CEP85L: variants seen among roughly 807,000 people sequenced by gnomAD.
The protein encoded by CEP85L is centrosomal protein 85L, also known as centrosomal protein of 85 kDa-like.
A neutral mutation model predicts 100.3 loss-of-function variants in CEP85L; 60 were observed. The ratio of observed to expected loss-of-function variants is 0.60; its 90% CI spans 0.49 to 0.74. CEP85L has a LOEUF of 0.74. Among genes scored for constraint, CEP85L ranks in the 30% least tolerant of loss-of-function variants. The pLI, the probability that CEP85L is intolerant of heterozygous loss-of-function variation, is 0.00. For missense variants in CEP85L, 973 were observed against 936.2 expected, an observed-to-expected ratio of 1.04 and a Z score of -0.51; for synonymous variants, 319 against 322.7, an observed-to-expected ratio of 0.99 and a Z score of 0.12.
At chr6:118,585,370 T>C (rs1324734557) in intron 2 of CEP85L, among the ~76,000 whole-genome samples, 2 of 152,138 alleles carry the variant, frequency 1.3e-5, no homozygotes, top group African/African-American at 2.4e-5. Flanking sequence ...CCATGAGAAA[T>C]AGCAGTGATG....
intron 10 of CEP85L, among the ~76,000 whole-genome samples, chr6:118,474,279 C>G (rs1162822015): frequency 6.6e-6 from 1 of 152,114 alleles, no homozygotes; most frequent in African/African-American, 2.4e-5. Context: ...AAAAATGAAA[C>G]AAAACTCAAC....
In CEP85L at chr6:118,533,548, A is replaced by G. The variant is rs541405240; in HGVS notation, c.1021-9628T>C. Among the ~76,000 whole-genome samples the G allele has an allele frequency of 2.9e-3, 439 of 152,282 alleles. 2 individuals carry two copies. Among genetic ancestry groups the G allele is most frequent in the Non-Finnish European group, 4.0e-3 (274 of 68,018 alleles). On this transcript the variant is annotated intron_variant, in intron 3 of 12. Coordinates refer to ENST00000368491, the MANE Select transcript of CEP85L (RefSeq NM_001042475.3). ...CCAAATGTTTAAAGAATTAACACCA[A>G]TCCTCCACGAACTCAGAGGCGGAAA...
At chr6:118,536,173 GAAC>G (rs1276583199) in intron 3 of CEP85L, among the ~76,000 whole-genome samples, 1 of 152,112 alleles carries the variant, frequency 6.6e-6, no homozygotes, top group African/African-American at 2.4e-5. Context: ...CAATAAAACA[GAAC>G]TACTATTATA....
intron 2 of CEP85L, among the ~76,000 whole-genome samples, chr6:118,591,227 C>T (rs774023913): frequency 6.6e-6 from 1 of 152,090 alleles, no homozygotes; most frequent in Non-Finnish European, 1.5e-5. Flanking sequence ...AGGCAGGGAA[C>T]CTAAGGCCAA....
chr6:118,695,166 T>C (rs530879378), intron 1 of CEP85L, among the ~76,000 whole-genome samples: 71 of 152,366 alleles, frequency 4.7e-4, no homozygotes, highest in Admixed American at 1.4e-3. Flanking sequence ...TTAGAAGATA[T>C]AAGCATGGTC....
chr6:118,587,883 G>A (rs1780960190), intron 2 of CEP85L, among the ~76,000 whole-genome samples: 1 of 152,148 alleles, frequency 6.6e-6, no homozygotes, highest in Non-Finnish European at 1.5e-5. Context: ...TATATGTAAA[G>A]AAAGGAAAGT....
intron 2 of CEP85L, among the ~76,000 whole-genome samples, chr6:118,568,714 C>T (rs1779691296): frequency 6.6e-6 from 1 of 152,122 alleles, no homozygotes; most frequent in Non-Finnish European, 1.5e-5. Flanking sequence ...AGCAAAACAA[C>T]TGGCAAACAC....
chr6:118,527,974 A>C (rs1254426728), intron 3 of CEP85L, among the ~76,000 whole-genome samples: 6 of 152,130 alleles, frequency 3.9e-5, no homozygotes, highest in Non-Finnish European at 8.8e-5. Context: ...CCAAAGATCT[A>C]AAATAGGTAG....
intron 2 of CEP85L, 146 bp from the exon 3 acceptor site, chr6:118,566,462 G>T: frequency 2.8e-6 from 2 of 720,318 alleles, no homozygotes; most frequent in Non-Finnish European, 4.5e-6. Context: ...TTGTTGCCTA[G>T]GCTGGAGTGC....
intron 1 of CEP85L, among the ~76,000 whole-genome samples, chr6:118,672,432 G>A (rs1338440017): frequency 6.6e-6 from 1 of 151,994 alleles, no homozygotes; most frequent in African/African-American, 2.4e-5. Context: ...AGCTGTTATG[G>A]ACGATATAAA....
chr6:118,522,189 C>T (rs939687386), intron 4 of CEP85L, among the ~76,000 whole-genome samples: 3 of 151,918 alleles, frequency 2.0e-5, no homozygotes, highest in Non-Finnish European at 2.9e-5. Flanking sequence ...AGAGAAACCC[C>T]GTCTCTACTA....
intron 1 of CEP85L, among the ~76,000 whole-genome samples, chr6:118,676,394 T>C (rs1435655776): frequency 6.6e-6 from 1 of 152,160 alleles, no homozygotes; most frequent in Non-Finnish European, 1.5e-5. Flanking sequence ...CTTCCATTAG[T>C]TTAACTTTTT....
At chr6:118,479,123 G>A (rs1773595360) in intron 10 of CEP85L, among the ~76,000 whole-genome samples, 1 of 152,070 alleles carries the variant, frequency 6.6e-6, no homozygotes, top group Admixed American at 6.6e-5. Flanking sequence ...CTGAAGTTAT[G>A]TTTGTAGGAA....
chr6:118,478,730 A>C (rs1229860838), intron 10 of CEP85L, among the ~76,000 whole-genome samples: 1 of 152,162 alleles, frequency 6.6e-6, no homozygotes, highest in Admixed American at 6.6e-5. Flanking sequence ...CCATAATTGC[A>C]TATTCTTCTA....
intron 5 of CEP85L, among the ~76,000 whole-genome samples, chr6:118,495,428 C>A (rs933248703): frequency 6.6e-6 from 1 of 152,098 alleles, no homozygotes; most frequent in Non-Finnish European, 1.5e-5. Flanking sequence ...CTCGTGATAG[C>A]GGGTGAGTTC....
intron 1 of CEP85L, among the ~76,000 whole-genome samples, chr6:118,640,593 C>G (rs912102189): frequency 1.3e-5 from 2 of 152,150 alleles, no homozygotes; most frequent in South Asian, 4.1e-4. Flanking sequence ...AGTGCAGTCT[C>G]GGCTCACTGC....
intron 10 of CEP85L, among the ~76,000 whole-genome samples, chr6:118,470,954 TACAA>T (rs1174981462): frequency 6.6e-6 from 1 of 152,140 alleles, no homozygotes; most frequent in African/African-American, 2.4e-5. Flanking sequence ...AATATGGTAT[TACAA>T]ACAGTTCTTA....
rs117763207 is a variant in CEP85L at position 118,507,371 on chromosome 6, T to A, written c.1257+3927A>T. Among the ~76,000 whole-genome samples the A allele has an allele frequency of 2.7e-3, 415 of 152,340 alleles. 2 individuals carry two copies. Among genetic ancestry groups the A allele is most frequent in the Non-Finnish European group, 4.2e-3 (283 of 68,020 alleles). Reference sequence around the variant, plus strand: ...AAAATTCAAATGTTCACATAACTTTTGGACTATTGAGACAGCTTCCTGACT... The same window carrying A: ...AAAATTCAAATGTTCACATAACTTTAGGACTATTGAGACAGCTTCCTGACT... On this transcript the variant is annotated intron_variant, in intron 5 of 12. Coordinates refer to ENST00000368491, the MANE Select transcript of CEP85L (RefSeq NM_001042475.3).
chr6:118,590,062 CACACACAT>C (rs1245433728), intron 2 of CEP85L, among the ~76,000 whole-genome samples: 2 of 151,678 alleles, frequency 1.3e-5, no homozygotes, highest in Admixed American at 1.3e-4. Context: ...CACACACACA[CACACACAT>C]ACACACGTGG....
Sources: gnomAD v4.1 joint callset for allele counts (sites outside exome capture counted in the v4.1 genomes callset) on GRCh38, gnomAD v4.1.1 for gene constraint, MANE v1.5 for transcripts, NCBI Gene and HGNC (gene_info 2026-07-23, HGNC 2026-07-21) for gene names.